Variants in GLIS3 observed in about 807,000 individuals in gnomAD.
The protein encoded by GLIS3 is GLIS family zinc finger 3.
In GLIS3, 53 loss-of-function variants were observed where a neutral mutation model predicts 78.6. The ratio of observed to expected loss-of-function variants is 0.67; its 90% confidence interval spans 0.54 to 0.85. The LOEUF is 0.85. Among genes scored for constraint, GLIS3 ranks in the 40% least tolerant of loss-of-function variants. The probability of loss-of-function intolerance (pLI) is 0.00; values close to 1 mark genes in which losing one functional copy is unlikely to be tolerated. For synonymous variants in GLIS3, 684 were observed against 509.9 expected, an observed-to-expected ratio of 1.34 and a Z score of -4.60; for missense variants, 1,703 against 1,231.1, an observed-to-expected ratio of 1.38 and a Z score of -5.74.
chr9:4,328,594 C>T (rs1455923081), intron 2 of GLIS3, among the ~76,000 whole-genome samples: 1 of 152,228 alleles, frequency 6.6e-6, no homozygotes, highest in Non-Finnish European at 1.5e-5. Context: ...CTCCTGACTT[C>T]TGAACCAAAT....
At chr9:4,293,687 G>T (rs545993452) in intron 1 of GLIS3, among the ~76,000 whole-genome samples, 34 of 152,318 alleles carry the variant, frequency 2.2e-4, no homozygotes, top group African/African-American at 7.9e-4. Flanking sequence ...GCCTACAAAA[G>T]AAATTTGATG....
chr9:3,886,669 G>GA (rs1297576457), intron 7 of GLIS3, among the ~76,000 whole-genome samples: 1 of 152,174 alleles, frequency 6.6e-6, no homozygotes, highest in Non-Finnish European at 1.5e-5. Flanking sequence ...CCCCAATAGT[G>GA]AAAATACAAG....
At chr9:4,083,978 T>C (rs1226149084) in intron 4 of GLIS3, among the ~76,000 whole-genome samples, 1 of 152,202 alleles carries the variant, frequency 6.6e-6, no homozygotes, top group African/African-American at 2.4e-5. Flanking sequence ...ATTTACACTA[T>C]TGCAGATGAC....
At chr9:4,169,617 G>C (rs536817985) in intron 2 of GLIS3, among the ~76,000 whole-genome samples, 2 of 152,170 alleles carry the variant, frequency 1.3e-5, no homozygotes, top group Non-Finnish European at 2.9e-5. Flanking sequence ...TTTCACAGTT[G>C]TACTGTAGTT....
chr9:4,417,372 A>G, the GLIS3 span, among the ~76,000 whole-genome samples: 355 of 152,342 alleles, frequency 2.3e-3, 3 homozygotes, highest in Middle Eastern at 0.037. Context: ...CTCTGTTTGT[A>G]TATATGTACA....
chr9:4,070,455 G>A (rs1039528213), intron 4 of GLIS3, among the ~76,000 whole-genome samples: 1 of 152,084 alleles, frequency 6.6e-6, no homozygotes, highest in African/African-American at 2.4e-5. Context: ...TGACCAAAAA[G>A]TCTCCACAGG....
intron 2 of GLIS3, among the ~76,000 whole-genome samples, chr9:4,274,649 C>T (rs1418203782): frequency 6.6e-6 from 1 of 152,140 alleles, no homozygotes; most frequent in Non-Finnish European, 1.5e-5. Context: ...AAAACAGATT[C>T]AAAAACAAAA....
chr9:4,331,837 A>G (rs1023613316), intron 2 of GLIS3, among the ~76,000 whole-genome samples: 8 of 152,178 alleles, frequency 5.3e-5, no homozygotes, highest in African/African-American at 1.9e-4. Context: ...AGACAGAGAG[A>G]ACACATGAAC....
the GLIS3 span, among the ~76,000 whole-genome samples, chr9:4,436,056 T>A: frequency 1.3e-5 from 2 of 152,200 alleles, no homozygotes; most frequent in Non-Finnish European, 1.5e-5. Flanking sequence ...TGTTAATATT[T>A]GAAAAAAGCT....
intron 7 of GLIS3, among the ~76,000 whole-genome samples, chr9:3,896,247 T>C (rs1588171198): frequency 6.6e-6 from 1 of 152,200 alleles, no homozygotes; most frequent in East Asian, 1.9e-4. Context: ...TGTTTTGTAA[T>C]TTTTTCCCCT....
At chr9:3,841,088 C>A (rs999279878) in intron 9 of GLIS3, among the ~76,000 whole-genome samples, 4 of 152,156 alleles carry the variant, frequency 2.6e-5, no homozygotes, top group Non-Finnish European at 5.9e-5. Flanking sequence ...AGTGAGAAGG[C>A]AGCATGCTTA....
intron 2 of GLIS3, among the ~76,000 whole-genome samples, chr9:4,335,098 C>G (rs550145998): frequency 6.6e-6 from 1 of 151,810 alleles, no homozygotes; most frequent in Non-Finnish European, 1.5e-5. Context: ...TTAGTGGAGA[C>G]GAGGTTTCAC....
chr9:3,846,779 G>T (rs1159841265), intron 9 of GLIS3, among the ~76,000 whole-genome samples: 1 of 152,178 alleles, frequency 6.6e-6, no homozygotes, highest in African/African-American at 2.4e-5. Context: ...TGCAGATACT[G>T]ACAAGAAGCA....
chr9:3,952,696 G>A (rs1343520813), intron 4 of GLIS3, among the ~76,000 whole-genome samples: 4 of 152,094 alleles, frequency 2.6e-5, no homozygotes, highest in African/African-American at 9.7e-5. Flanking sequence ...ATTTTTGTAT[G>A]GAAACAACAC....
intron 4 of GLIS3, among the ~76,000 whole-genome samples, chr9:3,971,779 A>T (rs756834931): frequency 6.6e-6 from 1 of 152,196 alleles, no homozygotes; most frequent in East Asian, 1.9e-4. Context: ...GGCTCCAGCA[A>T]TTAAATCCTA....
the GLIS3 span, among the ~76,000 whole-genome samples, chr9:4,460,732 T>C: frequency 6.6e-6 from 1 of 151,720 alleles, no homozygotes; most frequent in East Asian, 1.9e-4. Context: ...AATAAAGGAG[T>C]TCTCTTTCCT....
chr9:4,159,640 A>T lies in GLIS3; in HGVS notation c.389-33699T>A, dbSNP rs141067982. Among the ~76,000 whole-genome samples the T allele has an allele frequency of 6.4e-3, 977 of 152,162 alleles. 12 individuals carry two copies. The highest frequency in any genetic ancestry group is 0.022 in the African/African-American group (911 of 41,520). On this transcript the variant is annotated intron_variant, in intron 2 of 10. Coordinates refer to ENST00000381971, the MANE Select transcript of GLIS3 (RefSeq NM_001042413.2). The stretch of plus-strand genomic sequence containing the variant: ...AGGCTGAGGCAGGGAAATTGCTTGA[A>T]TCCGGGAGGCAGAGGTTGCAGTGAG...
the GLIS3 span, among the ~76,000 whole-genome samples, chr9:4,436,468 C>G: frequency 2.6e-5 from 4 of 152,064 alleles, no homozygotes; most frequent in Admixed American, 2.6e-4. Context: ...CCACCATGAC[C>G]CCCAAGCTAC....
chr9:3,841,025 G>A (rs1183336410), intron 9 of GLIS3, among the ~76,000 whole-genome samples: 2 of 152,136 alleles, frequency 1.3e-5, no homozygotes, highest in African/African-American at 4.8e-5. Flanking sequence ...GGATGGGAAC[G>A]GGCAGAGCAG....
Sources: gnomAD v4.1 joint callset for allele counts (sites outside exome capture counted in the v4.1 genomes callset) on GRCh38, gnomAD v4.1.1 for gene constraint, MANE v1.5 for transcripts, NCBI Gene and HGNC (gene_info 2026-07-23, HGNC 2026-07-21) for gene names.